Variants in MGAT5 observed in about 807,000 individuals in gnomAD.
MGAT5 encodes the protein alpha-1,6-mannosylglycoprotein 6-beta-N-acetylglucosaminyltransferase A.
MGAT5 carries 30 observed loss-of-function variants against 94.3 expected under a neutral mutation model. That is an observed-to-expected ratio of 0.32 (90% CI 0.24 to 0.43). The LOEUF is 0.43. Among genes scored for constraint, MGAT5 ranks in the 20% least tolerant of loss-of-function variants. The pLI is 1.00. For missense variants in MGAT5, 691 were observed against 905.5 expected (o/e 0.76, Z 3.04); for synonymous variants, 310 against 322.9 (o/e 0.96, Z 0.43).
intron 2 of MGAT5, among the ~76,000 whole-genome samples, chr2:134,283,594 T>C (rs1684827766): frequency 6.6e-6 from 1 of 151,302 alleles, no homozygotes; most frequent in East Asian, 1.9e-4. Flanking sequence ...TTCTTGTCTG[T>C]AGGTGCCTGT....
At chr2:134,181,688 T>C (rs923977718) in intron 1 of MGAT5, among the ~76,000 whole-genome samples, 3 of 152,228 alleles carry the variant, frequency 2.0e-5, no homozygotes, top group Non-Finnish European at 4.4e-5. Flanking sequence ...TAAACACATA[T>C]ATATTTATAT....
intron 10 of MGAT5, among the ~76,000 whole-genome samples, chr2:134,386,806 T>G (rs953829533): frequency 6.6e-6 from 1 of 152,212 alleles, no homozygotes; most frequent in Admixed American, 6.5e-5. Flanking sequence ...AAAGGGGATA[T>G]CTTTGCATTA....
Position 134,340,512 on chromosome 2 carries a change from G to C in MGAT5, c.808-1078G>C, listed in dbSNP as rs1573858712. 2.6e-5 allele frequency among the ~76,000 whole-genome samples: 4 copies of C among 152,080 alleles called. No individual in the cohort carries two copies. In the East Asian group the frequency reaches 7.7e-4, roughly 29 times the overall value. On this transcript the variant is annotated intron_variant, in intron 6 of 15. Coordinates refer to ENST00000281923, the MANE Select transcript of MGAT5 (RefSeq NM_002410.5). Reference sequence around the variant, plus strand: ...ATCAAATATGCTTTGATGTCATAATGATTTTTTAAATTAAAAATCCTCATA... The same window carrying C: ...ATCAAATATGCTTTGATGTCATAATCATTTTTTAAATTAAAAATCCTCATA...
chr2:134,180,309 G>C (rs1045582471), intron 1 of MGAT5, among the ~76,000 whole-genome samples: 2 of 152,164 alleles, frequency 1.3e-5, no homozygotes, highest in Admixed American at 6.5e-5. Flanking sequence ...CTCTCTTGGG[G>C]TCTGTATTGG....
intron 10 of MGAT5, among the ~76,000 whole-genome samples, chr2:134,391,840 A>T (rs539465702): frequency 1.1e-3 from 170 of 151,740 alleles, no homozygotes; most frequent in African/African-American, 3.8e-3. Context: ...ACATTATCTC[A>T]TGTGATCCTT....
intron 1 of MGAT5, among the ~76,000 whole-genome samples, chr2:134,134,401 C>T (rs897642254): frequency 1.3e-5 from 2 of 152,140 alleles, no homozygotes; most frequent in African/African-American, 4.8e-5. Flanking sequence ...GATCGAGGCT[C>T]TAGGAACCCC....
At chr2:134,275,756 T>C (rs947828687) in intron 2 of MGAT5, among the ~76,000 whole-genome samples, 1 of 151,874 alleles carries the variant, frequency 6.6e-6, no homozygotes, top group Non-Finnish European at 1.5e-5. Context: ...GCAAATTCTT[T>C]TTTCTTATTT....
chr2:134,166,207 G>A (rs1687957975), intron 1 of MGAT5, among the ~76,000 whole-genome samples: 1 of 152,204 alleles, frequency 6.6e-6, no homozygotes, highest in South Asian at 2.1e-4. Context: ...GTTGAGAGAA[G>A]ACAAGGAGAA....
chr2:134,436,602 G>T (rs984361726), intron 14 of MGAT5, among the ~76,000 whole-genome samples: 4 of 152,172 alleles, frequency 2.6e-5, no homozygotes, highest in African/African-American at 7.2e-5. Flanking sequence ...GGGCCTTGCG[G>T]TGCCATCCTG....
rs1413599821 is a variant in MGAT5 at position 134,145,210 on chromosome 2, C to CTGTG, written c.-143+24920_-143+24921insGTGT. On this transcript the variant is annotated intron_variant, in intron 1 of 16. Transcript: ENST00000409645. ...CAAAGTAAGGTGTGTGTGTGTCTCTCTCTCTGTGTGTGTGTGTGTGTGTGT... is the reference window on the plus strand; with the variant it reads ...CAAAGTAAGGTGTGTGTGTGTCTCTCTGTGTCTCTGTGTGTGTGTGTGTGTGTGT... 4.0e-3 allele frequency among the ~76,000 whole-genome samples: 385 copies of CTGTG among 95,962 alleles called. 5 individuals are homozygous for CTGTG. Among genetic ancestry groups the CTGTG allele is most frequent in the African/African-American group, 0.024 (370 of 15,698 alleles). The allele number at this position is 95,962 out of a possible 152,430, so 63.0% of individuals were successfully genotyped here.
chr2:134,237,290 G>A (rs989963800), intron 1 of MGAT5, among the ~76,000 whole-genome samples: 1 of 152,174 alleles, frequency 6.6e-6, no homozygotes, highest in Non-Finnish European at 1.5e-5. Flanking sequence ...TTCCCACTCA[G>A]CCATTCTGGA....
At chr2:134,197,849 G>T (rs888120758) in intron 1 of MGAT5, among the ~76,000 whole-genome samples, 18 of 152,052 alleles carry the variant, frequency 1.2e-4, no homozygotes, top group Non-Finnish European at 1.6e-4. Flanking sequence ...TGAAATAAAG[G>T]AGAAAAAAAG....
rs369269272 is a variant in MGAT5 at position 134,153,598 on chromosome 2, T to A, written c.-143+33307T>A. Among the ~76,000 whole-genome samples, 4 of 152,312 alleles carry A rather than the reference T, an allele frequency of 2.6e-5. No individual in the cohort carries two copies. In the East Asian group the frequency reaches 7.7e-4, roughly 29 times the overall value. ...AGAGGCTGGAAACGTAATCCAGTGG[T>A]GTCTGTTTGTTTCCAGCCCATGTTG... On this transcript the variant is annotated intron_variant, in intron 1 of 16. Transcript: ENST00000409645.
chr2:134,401,637 A>G (rs1683059790), intron 10 of MGAT5, among the ~76,000 whole-genome samples: 1 of 152,212 alleles, frequency 6.6e-6, no homozygotes, highest in South Asian at 2.1e-4. Flanking sequence ...TTCTGTACTA[A>G]TTTAAAACTA....
chr2:134,141,921 G>C (rs1275248974), intron 1 of MGAT5, among the ~76,000 whole-genome samples: 1 of 152,184 alleles, frequency 6.6e-6, no homozygotes, highest in Non-Finnish European at 1.5e-5. Flanking sequence ...TGCATGGCTT[G>C]GGCAGATTTG....
chr2:134,192,510 C>T (rs1679276824), intron 1 of MGAT5, among the ~76,000 whole-genome samples: 1 of 152,242 alleles, frequency 6.6e-6, no homozygotes, highest in African/African-American at 2.4e-5. Context: ...TAAATCAGTA[C>T]AATTTTACTG....
chr2:134,417,356 C>T (rs905719296), intron 12 of MGAT5, among the ~76,000 whole-genome samples: 1 of 151,404 alleles, frequency 6.6e-6, no homozygotes, highest in African/African-American at 2.4e-5. Flanking sequence ...TGGACTTCAC[C>T]AGTTTTTCCA....
At chr2:134,277,399 G>C (rs1315904814) in intron 2 of MGAT5, among the ~76,000 whole-genome samples, 2 of 152,144 alleles carry the variant, frequency 1.3e-5, no homozygotes, top group African/African-American at 4.8e-5. Context: ...GAATCATAGT[G>C]GAAGGGGAAG....
intron 10 of MGAT5, among the ~76,000 whole-genome samples, chr2:134,375,378 T>G (rs963632008): frequency 1.3e-5 from 2 of 152,292 alleles, no homozygotes; most frequent in Non-Finnish European, 2.9e-5. Flanking sequence ...ATAAATACAT[T>G]TATGTTGGTG....
Sources: allele counts gnomAD v4.1 joint callset (sites outside exome capture counted in the v4.1 genomes callset), GRCh38; gene constraint gnomAD v4.1.1; transcripts MANE v1.5; gene names NCBI Gene and HGNC (gene_info 2026-07-23, HGNC 2026-07-21).